SNX29: variants seen among roughly 807,000 people sequenced by gnomAD.
SNX29 encodes sorting nexin 29, also known as sorting nexin-29.
A neutral mutation model predicts 102.1 loss-of-function variants in SNX29; 78 were observed. The observed-to-expected ratio is 0.76, with a 90% CI of 0.64 to 0.92. SNX29 has a LOEUF of 0.92. SNX29 is among the 40% of genes least tolerant of loss of function. The pLI, the probability that SNX29 is intolerant of heterozygous loss-of-function variation, is 0.00. For synonymous variants in SNX29, 580 were observed against 414.5 expected, an observed-to-expected ratio of 1.40 and a Z score of -4.85; for missense variants, 1,280 against 1,061.7, an observed-to-expected ratio of 1.21 and a Z score of -2.86.
intron 20 of SNX29, among the ~76,000 whole-genome samples, chr16:12,558,657 C>G (rs1393625486): frequency 1.3e-5 from 2 of 152,216 alleles, no homozygotes; most frequent in African/African-American, 2.4e-5. Flanking sequence ...TCCATCCCAC[C>G]CAATCCTGCT....
At chr16:12,417,154 A>G (rs1404574859) in intron 18 of SNX29, among the ~76,000 whole-genome samples, 1 of 152,086 alleles carries the variant, frequency 6.6e-6, no homozygotes, top group Non-Finnish European at 1.5e-5. Context: ...TTTGCATTCT[A>G]CTCCATAATC....
intron 15 of SNX29, among the ~76,000 whole-genome samples, chr16:12,282,582 G>A (rs909934045): frequency 1.1e-4 from 16 of 152,216 alleles, no homozygotes; most frequent in African/African-American, 2.2e-4. Flanking sequence ...TGTGTAATGC[G>A]TAAAGAATGA....
chr16:12,418,653 T>A (rs1311439483), intron 18 of SNX29, among the ~76,000 whole-genome samples: 1 of 152,180 alleles, frequency 6.6e-6, no homozygotes, highest in Non-Finnish European at 1.5e-5. Flanking sequence ...TAGCTGGGAT[T>A]ACAGGTGCCT....
At chr16:12,212,814 T>C (rs1007538172) in intron 14 of SNX29, among the ~76,000 whole-genome samples, 5 of 152,222 alleles carry the variant, frequency 3.3e-5, no homozygotes, top group Non-Finnish European at 7.3e-5. Flanking sequence ...CATCATACAA[T>C]ACTACTCAGT....
intron 19 of SNX29, among the ~76,000 whole-genome samples, chr16:12,507,853 C>CT (rs1169617922): frequency 3.3e-5 from 5 of 152,164 alleles, no homozygotes; most frequent in Non-Finnish European, 7.3e-5. Context: ...GCTCTGCTGT[C>CT]TCCTTTCTCC....
intron 19 of SNX29, among the ~76,000 whole-genome samples, chr16:12,495,004 A>G (rs2088745662): frequency 6.6e-6 from 1 of 152,144 alleles, no homozygotes; most frequent in Non-Finnish European, 1.5e-5. Context: ...GGGGCCGAGG[A>G]GTTAGCATCC....
chr16:12,501,469 C>G (rs1429335054), intron 19 of SNX29, among the ~76,000 whole-genome samples: 1 of 152,002 alleles, frequency 6.6e-6, no homozygotes, highest in Admixed American at 6.6e-5. Context: ...CACCTGTAAT[C>G]CCAGCACTTT....
At chr16:12,069,177 A>T (rs1386519488) in intron 10 of SNX29, 45 bp downstream of exon 10, 8 of 1,508,340 alleles carry the variant, frequency 5.3e-6, no homozygotes, top group South Asian at 2.3e-5. Context: ...AAAACATCCT[A>T]TTCACAGCTG....
At chr16:12,119,031 T>C (rs924377448) in intron 11 of SNX29, among the ~76,000 whole-genome samples, 3 of 152,252 alleles carry the variant, frequency 2.0e-5, no homozygotes, top group Non-Finnish European at 2.9e-5. Context: ...CTTTAGGACA[T>C]GAGGCTCACA....
chr16:12,440,012 G>A (rs897908288), intron 18 of SNX29, among the ~76,000 whole-genome samples: 2 of 152,200 alleles, frequency 1.3e-5, no homozygotes, highest in Non-Finnish European at 2.9e-5. Flanking sequence ...CTGGAATTGC[G>A]TGGCCTTGGG....
In SNX29 at chr16:12,393,446, C is replaced by T. The variant is rs555351223; in HGVS notation, c.1900-5000C>T. ...CATTCATTCATTCAGTGTGTTAGTT[C>T]GTGCCTACATGTGCTGGGTTCTTGG... On this transcript the variant is annotated intron_variant, in intron 16 of 20. Transcript: ENST00000566228. 2.1e-4 allele frequency among the ~76,000 whole-genome samples: 29 copies of T among 138,098 alleles called. 1 individual carries two copies. The highest frequency in any genetic ancestry group is 8.4e-4 in the African/African-American group (28 of 33,318). The allele number at this position is 138,098 out of a possible 152,430, so 90.6% of individuals were successfully genotyped here.
chr16:12,371,693 C>T (rs2082688933), intron 16 of SNX29, among the ~76,000 whole-genome samples: 1 of 152,196 alleles, frequency 6.6e-6, no homozygotes, highest in Non-Finnish European at 1.5e-5. Context: ...GTGTGTGGGC[C>T]TCCTGTGGGA....
At chr16:12,165,348 G>C (rs1033413048) in intron 13 of SNX29, among the ~76,000 whole-genome samples, 1 of 152,194 alleles carries the variant, frequency 6.6e-6, no homozygotes, top group Non-Finnish European at 1.5e-5. Flanking sequence ...AGCTTGTGAA[G>C]TTGTTCAGCA....
chr16:12,533,710 C>G (rs1177207293), intron 20 of SNX29, among the ~76,000 whole-genome samples: 2 of 152,176 alleles, frequency 1.3e-5, no homozygotes, highest in African/African-American at 2.4e-5. Flanking sequence ...CCTTGGCAAA[C>G]TCAGGTGCCT....
In SNX29 at chr16:12,564,443, A is replaced by T. The variant is rs532408643; in HGVS notation, c.2319-4063A>T. Among the ~76,000 whole-genome samples, 8 of 152,348 alleles carry T rather than the reference A, an allele frequency of 5.3e-5. No homozygotes were observed. The South Asian group carries it at 1.7e-3, about 32-fold the overall frequency. ...CACTATTATCCTCATTTCACAGATC[A>T]GAAAGCTGTGTTTTGGGGAGGTTAT... On this transcript the variant is annotated intron_variant, in intron 20 of 20. Transcript: ENST00000566228.
At chr16:12,215,071 G>C (rs570351936) in intron 14 of SNX29, among the ~76,000 whole-genome samples, 1 of 152,276 alleles carries the variant, frequency 6.6e-6, no homozygotes, top group South Asian at 2.1e-4. Flanking sequence ...TGAGTTTGCT[G>C]AGCACCCAGT....
At chr16:12,094,476 A>G (rs79461729) in intron 11 of SNX29, among the ~76,000 whole-genome samples, 2,497 of 152,256 alleles carry the variant, frequency 0.016, 77 homozygotes, top group African/African-American at 0.057. Flanking sequence ...GAGGCCCTGA[A>G]GTTCCCTTTA....
At chr16:12,268,571 C>G (rs938162852) in intron 14 of SNX29, among the ~76,000 whole-genome samples, 43 of 152,276 alleles carry the variant, frequency 2.8e-4, no homozygotes, top group African/African-American at 1.0e-3. Flanking sequence ...TGGCATCTCA[C>G]CTGGAAGGGT....
chr16:12,513,792 C>T (rs979797421), intron 19 of SNX29, among the ~76,000 whole-genome samples: 3 of 152,260 alleles, frequency 2.0e-5, no homozygotes, highest in Non-Finnish European at 4.4e-5. Flanking sequence ...GCCCAGTCAG[C>T]AGCTGATAAA....
Sources: gnomAD v4.1 joint callset for allele counts (sites outside exome capture counted in the v4.1 genomes callset) on GRCh38, gnomAD v4.1.1 for gene constraint, MANE v1.5 for transcripts, NCBI Gene and HGNC (gene_info 2026-07-23, HGNC 2026-07-21) for gene names.